Variants in RORA observed in about 807,000 individuals in gnomAD.
RORA encodes nuclear receptor ROR-alpha.
Under a neutral mutation model 69.5 loss-of-function variants are expected in RORA, and 7 were observed. The ratio of observed to expected loss-of-function variants is 0.10; its 90% CI spans 0.06 to 0.19. The LOEUF is 0.19. RORA is among the 10% of genes least tolerant of loss of function. The pLI, the probability that RORA is intolerant of heterozygous loss-of-function variation, is 1.00. For missense variants in RORA, 457 were observed against 663.0 expected, an observed-to-expected ratio of 0.69 and a Z score of 3.41; for synonymous variants, 261 against 240.8, an observed-to-expected ratio of 1.08 and a Z score of -0.78.
chr15:61,120,470 C>T (rs1005493413), intron 1 of RORA, among the ~76,000 whole-genome samples: 2 of 151,944 alleles, frequency 1.3e-5, no homozygotes, highest in Admixed American at 6.6e-5. Flanking sequence ...GAGGCCGAGG[C>T]GGGCGGATCA....
intron 1 of RORA, among the ~76,000 whole-genome samples, chr15:60,918,722 A>T (rs1167626178): frequency 6.6e-6 from 1 of 152,080 alleles, no homozygotes; most frequent in African/African-American, 2.4e-5. Context: ...GTAGTTGTGC[A>T]GGTTTGTCCT....
chr15:60,721,600 C>T (rs2071294312), intron 1 of RORA, among the ~76,000 whole-genome samples: 1 of 152,190 alleles, frequency 6.6e-6, no homozygotes, highest in South Asian at 2.1e-4. Flanking sequence ...TGGTAAATAG[C>T]TATTTCTTAA....
At chr15:60,842,463 C>A (rs341402) in intron 1 of RORA, among the ~76,000 whole-genome samples, 1 of 152,020 alleles carries the variant, frequency 6.6e-6, no homozygotes, top group Non-Finnish European at 1.5e-5. Context: ...TCAGATACAG[C>A]GTTAAGCATT....
rs531187007 is a variant in RORA, at chr15:61,146,041, T to C, written c.166+83012A>G. Among the ~76,000 whole-genome samples the C allele has an allele frequency of 3.2e-4, 48 of 152,324 alleles. 1 individual carries two copies. In the South Asian group the frequency reaches 1.0e-2, roughly 32 times the overall value. On this transcript the variant is annotated intron_variant, in intron 1 of 10. Transcript: ENST00000335670. ...TTGAGTTTCCCAATATCCAACGGAA[T>C]TGTTTCCCAAATGAAAACAACCAAT...
At chr15:60,634,734 C>T (rs2069806039) in intron 2 of RORA, among the ~76,000 whole-genome samples, 1 of 152,170 alleles carries the variant, frequency 6.6e-6, no homozygotes, top group Admixed American at 6.5e-5. Context: ...CCCCAACTCT[C>T]CTGTAATTCC....
At chr15:60,951,473 A>G (rs1016965998) in intron 1 of RORA, among the ~76,000 whole-genome samples, 13 of 151,368 alleles carry the variant, frequency 8.6e-5, no homozygotes, top group African/African-American at 2.4e-4. Flanking sequence ...GACACAAAAA[A>G]CCCTTCAAAA....
intron 1 of RORA, among the ~76,000 whole-genome samples, chr15:60,925,296 C>T (rs1892180727): frequency 1.3e-5 from 2 of 152,094 alleles, no homozygotes. Flanking sequence ...GAAGTTGTCA[C>T]CTTCAGACTA....
At chr15:60,687,026 A>G (rs1193385614) in intron 1 of RORA, 1 of 152,294 alleles carries the variant, frequency 6.6e-6, no homozygotes, top group Non-Finnish European at 1.5e-5. Context: ...TACTGATGGC[A>G]GAAGCATAGA....
intron 1 of RORA, among the ~76,000 whole-genome samples, chr15:60,974,825 G>A (rs991542061): frequency 1.3e-5 from 2 of 152,316 alleles, no homozygotes; most frequent in South Asian, 4.1e-4. Context: ...CTGAAGGAGG[G>A]GCCCTCACAG....
intron 1 of RORA, among the ~76,000 whole-genome samples, chr15:61,038,407 G>A (rs1896572658): frequency 6.6e-6 from 1 of 152,134 alleles, no homozygotes; most frequent in Admixed American, 6.5e-5. Context: ...GCTATAGCAG[G>A]TTATGGTCTC....
chr15:61,202,935 T>C (rs1449503346), intron 1 of RORA, among the ~76,000 whole-genome samples: 1 of 152,092 alleles, frequency 6.6e-6, no homozygotes, highest in Non-Finnish European at 1.5e-5. Context: ...GTGAGAAAAA[T>C]AATTTCTGCT....
At chr15:60,741,374 C>T (rs2071573574) in intron 1 of RORA, among the ~76,000 whole-genome samples, 5 of 152,192 alleles carry the variant, frequency 3.3e-5, no homozygotes, top group Admixed American at 3.3e-4. Context: ...TTCATATGAT[C>T]TCTGATGATA....
At chr15:61,019,607 AG>A (rs891989606) in intron 1 of RORA, among the ~76,000 whole-genome samples, 1 of 151,974 alleles carries the variant, frequency 6.6e-6, no homozygotes, top group Non-Finnish European at 1.5e-5. Flanking sequence ...AAGTTAGTGA[AG>A]GGGGGGAAAC....
rs993264054 is a variant in RORA, at chr15:60,860,481, A to T, written c.167-181795T>A. Among the ~76,000 whole-genome samples, 21 of 152,328 alleles carry T rather than the reference A, an allele frequency of 1.4e-4. No homozygotes were observed. The East Asian group carries it at 3.9e-3, about 28-fold the overall frequency. ...ATTTGACCCAACGTTTAGCATAAGC[A>T]AGCACGTACTATGCTGTCCCTTTAC... On this transcript the variant is annotated intron_variant, in intron 1 of 10. Transcript: ENST00000335670.
chr15:61,149,271 A>T (rs552841072), intron 1 of RORA, among the ~76,000 whole-genome samples: 1 of 152,066 alleles, frequency 6.6e-6, no homozygotes, highest in South Asian at 2.1e-4. Context: ...CCCATCAGAG[A>T]GTCTCTTTCC....
chr15:60,798,105 A>T (rs866232410), intron 1 of RORA, among the ~76,000 whole-genome samples: 18 of 151,810 alleles, frequency 1.2e-4, no homozygotes, highest in Admixed American at 1.3e-4. Flanking sequence ...GTCTGGCAAT[A>T]GTCACTAAAT....
intron 1 of RORA, among the ~76,000 whole-genome samples, chr15:60,728,393 A>G (rs2071391004): frequency 6.6e-6 from 1 of 152,142 alleles, no homozygotes. Flanking sequence ...AATTATATTG[A>G]CCCTGCTTGT....
At chr15:61,173,315 T>G (rs1011358226) in intron 1 of RORA, among the ~76,000 whole-genome samples, 3 of 152,246 alleles carry the variant, frequency 2.0e-5, no homozygotes, top group Admixed American at 6.5e-5. Context: ...TTTTAACCAC[T>G]GCACTGTGCA....
At chr15:60,555,368 G>T (rs1383589874) in intron 2 of RORA, among the ~76,000 whole-genome samples, 1 of 151,990 alleles carries the variant, frequency 6.6e-6, no homozygotes, top group African/African-American at 2.4e-5. Context: ...GAGGGAGTGG[G>T]GCACTCTCGA....
Sources: allele counts gnomAD v4.1 joint callset (sites outside exome capture counted in the v4.1 genomes callset), GRCh38; gene constraint gnomAD v4.1.1; transcripts MANE v1.5; gene names NCBI Gene and HGNC (gene_info 2026-07-23, HGNC 2026-07-21).